The following RGS6 variants were observed in gnomAD, a reference collection of about 807,000 sequenced individuals.
RGS6 encodes the protein regulator of G-protein signaling 6.
Under a neutral mutation model 78.5 loss-of-function variants are expected in RGS6, and 30 were observed. That is an observed-to-expected ratio of 0.38 (90% CI 0.29 to 0.52). The LOEUF (loss-of-function observed/expected upper bound fraction) is 0.52, where lower values mean the gene tolerates loss of function less well. Ranked by LOEUF, RGS6 falls within the 20% of genes least tolerant of loss-of-function variation. The probability of loss-of-function intolerance (pLI) is 0.85; values close to 1 mark genes in which losing one functional copy is unlikely to be tolerated. For missense variants in RGS6, 495 were observed against 609.7 expected (o/e 0.81, Z 1.98); for synonymous variants, 206 against 206.0 (o/e 1.00, Z 0.00).
intron 2 of RGS6, among the ~76,000 whole-genome samples, chr14:72,348,389 A>T (rs1046681663): frequency 4.6e-5 from 7 of 152,198 alleles, no homozygotes; most frequent in Non-Finnish European, 1.0e-4. Flanking sequence ...TCAATTAAAT[A>T]ATTTATTTAA....
At chr14:71,965,034 G>C (rs1270843590) in intron 2 of RGS6, among the ~76,000 whole-genome samples, 159 bp downstream of exon 2, 3 of 152,200 alleles carry the variant, frequency 2.0e-5, no homozygotes, top group African/African-American at 7.2e-5. Context: ...AAAATTCAAG[G>C]AAGTTCATAC....
chr14:72,447,992 GA>G (rs1243902749), intron 3 of RGS6, among the ~76,000 whole-genome samples: 1 of 152,156 alleles, frequency 6.6e-6, no homozygotes, highest in African/African-American at 2.4e-5. Context: ...TTCATATGAG[GA>G]AATAAACGCA....
chr14:72,487,735 A>C (rs2153391335), intron 12 of RGS6, among the ~76,000 whole-genome samples: 1 of 152,310 alleles, frequency 6.6e-6, no homozygotes, highest in Admixed American at 6.5e-5. Flanking sequence ...CCCTGCTGAC[A>C]CCTTGATTTT....
chr14:72,344,995 A>G (rs770895215), intron 2 of RGS6, among the ~76,000 whole-genome samples: 11 of 152,190 alleles, frequency 7.2e-5, no homozygotes, highest in Non-Finnish European at 1.5e-4. Context: ...TCCATGTGGT[A>G]TAGAGGCTGG....
intron 2 of RGS6, among the ~76,000 whole-genome samples, chr14:72,169,075 C>T (rs118148646): frequency 3.9e-5 from 6 of 152,296 alleles, no homozygotes; most frequent in Non-Finnish European, 5.9e-5. Context: ...TAAAATTGTT[C>T]TGTATTGACA....
At chr14:72,444,367 G>A (rs757074346) in intron 3 of RGS6, among the ~76,000 whole-genome samples, 1 of 152,092 alleles carries the variant, frequency 6.6e-6, no homozygotes, top group African/African-American at 2.4e-5. Flanking sequence ...GTCTGAGTGG[G>A]AGGGAGGTGA....
the RGS6 span, among the ~76,000 whole-genome samples, chr14:72,609,095 G>T: frequency 1.3e-5 from 2 of 152,184 alleles, no homozygotes; most frequent in Non-Finnish European, 2.9e-5. Context: ...GATTCACTAC[G>T]TGGGTAGTCA....
chr14:71,977,578 T>C (rs1214313950), intron 2 of RGS6, among the ~76,000 whole-genome samples: 4 of 150,516 alleles, frequency 2.7e-5, no homozygotes, highest in African/African-American at 4.9e-5. Context: ...GTTGTAGATA[T>C]GTGGCATTAT....
chr14:72,608,576 T>A, the RGS6 span, among the ~76,000 whole-genome samples: 1 of 152,142 alleles, frequency 6.6e-6, no homozygotes, highest in African/African-American at 2.4e-5. Context: ...CTCTGATTCA[T>A]CAACCTCCCT....
chr14:72,010,523 C>T (rs117421062), intron 2 of RGS6, among the ~76,000 whole-genome samples: 8 of 152,060 alleles, frequency 5.3e-5, no homozygotes, highest in Admixed American at 2.0e-4. Flanking sequence ...ACACATAGAC[C>T]GCCCCCCACC....
At chr14:72,276,631 C>T (rs1197465777) in intron 2 of RGS6, among the ~76,000 whole-genome samples, 3 of 152,080 alleles carry the variant, frequency 2.0e-5, no homozygotes, top group Non-Finnish European at 4.4e-5. Context: ...ATACTGTTTT[C>T]GTGGTAGTGA....
intron 2 of RGS6, among the ~76,000 whole-genome samples, chr14:72,320,603 A>G (rs2071655809): frequency 6.6e-6 from 1 of 151,648 alleles, no homozygotes; most frequent in East Asian, 1.9e-4. Flanking sequence ...ATTAAAAAAT[A>G]AAAAATAAAA....
At chr14:72,394,103 A>C (rs2090604581) in intron 3 of RGS6, among the ~76,000 whole-genome samples, 1 of 152,126 alleles carries the variant, frequency 6.6e-6, no homozygotes, top group African/African-American at 2.4e-5. Flanking sequence ...AGGGGAACCC[A>C]CCCCTGATAA....
intron 2 of RGS6, among the ~76,000 whole-genome samples, chr14:72,237,853 C>A (rs981530594): frequency 2.0e-5 from 3 of 152,082 alleles, no homozygotes; most frequent in African/African-American, 4.8e-5. Flanking sequence ...CTGGAGCCCT[C>A]GAGGGCATGT....
At chr14:71,901,626 C>T in the RGS6 span, among the ~76,000 whole-genome samples, 1 of 152,138 alleles carries the variant, frequency 6.6e-6, no homozygotes, top group African/African-American at 2.4e-5. Flanking sequence ...CCGTTGACAT[C>T]CCAGGCCAGT....
At chr14:71,997,437 G>T (rs563763716) in intron 2 of RGS6, among the ~76,000 whole-genome samples, 1 of 152,320 alleles carries the variant, frequency 6.6e-6, no homozygotes, top group East Asian at 1.9e-4. Flanking sequence ...TCATAGCCTA[G>T]AAGGACATAG....
At chr14:72,345,305 T>G (rs2077806582) in intron 2 of RGS6, among the ~76,000 whole-genome samples, 1 of 152,232 alleles carries the variant, frequency 6.6e-6, no homozygotes, top group South Asian at 2.1e-4. Flanking sequence ...CTGCTTGTTA[T>G]GTGGAAAATA....
chr14:72,461,205 A>G (rs964377767), intron 6 of RGS6, among the ~76,000 whole-genome samples: 4 of 152,234 alleles, frequency 2.6e-5, no homozygotes, highest in Non-Finnish European at 5.9e-5. Flanking sequence ...GCTCAGTTCC[A>G]TGCAGCAACG....
chr14:72,106,648 C>T (rs2095639100), intron 2 of RGS6, among the ~76,000 whole-genome samples: 1 of 152,158 alleles, frequency 6.6e-6, no homozygotes, highest in African/African-American at 2.4e-5. Context: ...ATTGCATATC[C>T]CTAGCCGCAA....
Sources: gnomAD v4.1 joint callset for allele counts (sites outside exome capture counted in the v4.1 genomes callset) on GRCh38, gnomAD v4.1.1 for gene constraint, MANE v1.5 for transcripts, NCBI Gene and HGNC (gene_info 2026-07-23, HGNC 2026-07-21) for gene names.